GTF2IRD1: variants seen among roughly 807,000 people sequenced by gnomAD.
The protein encoded by GTF2IRD1 is GTF2I repeat domain containing 1.
In GTF2IRD1, 26 loss-of-function variants were observed where a neutral mutation model predicts 113.2. The observed-to-expected ratio is 0.23, with a 90% confidence interval of 0.17 to 0.32. The LOEUF is 0.32. GTF2IRD1 is among the 10% of genes least tolerant of loss of function. The pLI is 1.00. For synonymous variants in GTF2IRD1, 484 were observed against 529.1 expected (o/e 0.91, Z 1.17); for missense variants, 864 against 1,280.8 (o/e 0.67, Z 4.97).
At chr7:74,572,883 G>A (rs1469388829) in intron 22 of GTF2IRD1, among the ~76,000 whole-genome samples, 1 of 152,150 alleles carries the variant, frequency 6.6e-6, no homozygotes. Context: ...TGCGGGGCGG[G>A]GCTTGGAGGC....
intron 1 of GTF2IRD1, among the ~76,000 whole-genome samples, chr7:74,483,979 C>T (rs1318258871): frequency 2.0e-5 from 3 of 152,100 alleles, no homozygotes; most frequent in South Asian, 2.1e-4. Flanking sequence ...AGGAAGGAGC[C>T]GTGTAGATAC....
intron 9 of GTF2IRD1, among the ~76,000 whole-genome samples, chr7:74,532,392 AAAAAT>A (rs1272548814): frequency 2.0e-5 from 3 of 151,778 alleles, no homozygotes; most frequent in Non-Finnish European, 4.4e-5. Flanking sequence ...TATTTCTACA[AAAAAT>A]AAAATAAATA....
intron 17 of GTF2IRD1, among the ~76,000 whole-genome samples, chr7:74,547,500 A>G (rs587702345): frequency 7.5e-6 from 1 of 133,238 alleles, no homozygotes; most frequent in East Asian, 2.3e-4. Context: ...GAGTACAGTG[A>G]TACGAACTTG....
At position 74,466,952 on chromosome 7, in the gene GTF2IRD1, CT is replaced by C. The variant is rs782708976; in HGVS notation, c.-7+12791del. ...GGGGCCTCCTCCACCCTTTTTCTTT[CT>C]TTTTTTTTTTTTTTGGAGACAGGGT... On this transcript the variant is annotated intron_variant, in intron 1 of 26. Coordinates refer to ENST00000424337, the MANE Select transcript of GTF2IRD1 (RefSeq NM_005685.4). Among the ~76,000 whole-genome samples, 655 of 140,198 alleles carry C rather than the reference CT, an allele frequency of 4.7e-3. 1 individual carries two copies. The highest frequency in any genetic ancestry group is 7.1e-3 in the African/African-American group (272 of 38,522). The allele number at this position is 140,198 out of a possible 152,430, so 92.0% of individuals were successfully genotyped here.
chr7:74,481,228 C>G (rs538305977), intron 1 of GTF2IRD1, among the ~76,000 whole-genome samples: 4 of 152,188 alleles, frequency 2.6e-5, no homozygotes, highest in African/African-American at 7.2e-5. Flanking sequence ...AATCCCAGTT[C>G]GATGCATTCT....
In GTF2IRD1 at chr7:74,470,429, C is replaced by T. The variant is rs1020150733; in HGVS notation, c.-7+16253C>T. Among the ~76,000 whole-genome samples, 8 of 152,294 alleles carry T rather than the reference C, an allele frequency of 5.3e-5. No homozygotes were observed. In the East Asian group the frequency reaches 1.3e-3, roughly 26 times the overall value. On this transcript the variant is annotated intron_variant, in intron 1 of 26. Coordinates refer to ENST00000424337, the MANE Select transcript of GTF2IRD1 (RefSeq NM_005685.4). ...CATTAGCAGTCTCTCCATTCCCCAG[C>T]ACCCCCCACTCCAGCCCCTGGTAAT...
At chr7:74,541,023 C>G (rs1798606059) in intron 14 of GTF2IRD1, among the ~76,000 whole-genome samples, 1 of 151,392 alleles carries the variant, frequency 6.6e-6, no homozygotes, top group African/African-American at 2.4e-5. Flanking sequence ...CTCAGCCTCC[C>G]AAAGTGCTGG....
chr7:74,554,008 G>C (rs1285503494), intron 17 of GTF2IRD1, among the ~76,000 whole-genome samples: 1 of 152,170 alleles, frequency 6.6e-6, no homozygotes, highest in Non-Finnish European at 1.5e-5. Flanking sequence ...CCCACCGCCA[G>C]AGCGGGCACC....
intron 17 of GTF2IRD1, among the ~76,000 whole-genome samples, chr7:74,550,672 C>G (rs1799255579): frequency 1.3e-5 from 2 of 151,914 alleles, no homozygotes; most frequent in South Asian, 2.1e-4. Context: ...CCTTGGGAGG[C>G]CCAGATAGGA....
rs117805657 is a variant in GTF2IRD1, at chr7:74,470,436, C to G, written c.-7+16260C>G. ...AGTCTCTCCATTCCCCAGCACCCCC[C>G]ACTCCAGCCCCTGGTAATTGCTAAT... On this transcript the variant is annotated intron_variant, in intron 1 of 26. Transcript: ENST00000424337. 7.0e-4 allele frequency among the ~76,000 whole-genome samples: 107 copies of G among 152,286 alleles called. 1 individual carries two copies. The East Asian group carries it at 0.018, about 26-fold the overall frequency.
rs1226805893 is a variant in GTF2IRD1 at position 74,459,399 on chromosome 7, C to T, written c.-7+5223C>T. 4.6e-5 allele frequency among the ~76,000 whole-genome samples: 7 copies of T among 151,864 alleles called. 1 individual carries two copies. The highest frequency in any genetic ancestry group is 1.4e-4 in the African/African-American group (6 of 41,418). On this transcript the variant is annotated intron_variant, in intron 1 of 26. Coordinates refer to ENST00000424337, the MANE Select transcript of GTF2IRD1 (RefSeq NM_005685.4). Reference sequence around the variant, plus strand: ...CTTGAACCTAAGAGGTGAAGGTTGCCGTGAGCTGAGATCGTACCATTGCAC... The same window carrying T: ...CTTGAACCTAAGAGGTGAAGGTTGCTGTGAGCTGAGATCGTACCATTGCAC...
intron 1 of GTF2IRD1, among the ~76,000 whole-genome samples, chr7:74,471,064 C>G (rs1396027952): frequency 6.6e-6 from 1 of 152,222 alleles, no homozygotes; most frequent in Non-Finnish European, 1.5e-5. Context: ...CTCAGCCTCC[C>G]AAAGTGCTGG....
chr7:74,478,914 TA>T (rs1233663326), intron 1 of GTF2IRD1, among the ~76,000 whole-genome samples: 3,886 of 140,708 alleles, frequency 0.028, 162 homozygotes, highest in African/African-American at 0.091. Context: ...CTAGGCTAAT[TA>T]AAAAAAAAAA....
At chr7:74,588,584 G>A (rs1196703578) in intron 22 of GTF2IRD1, among the ~76,000 whole-genome samples, 1 of 152,056 alleles carries the variant, frequency 6.6e-6, no homozygotes, top group Non-Finnish European at 1.5e-5. Context: ...GGGCTGGACT[G>A]CAGTGACGTG....
chr7:74,469,139 A>G (rs950571639), intron 1 of GTF2IRD1, among the ~76,000 whole-genome samples: 1 of 150,262 alleles, frequency 6.7e-6, no homozygotes, highest in Non-Finnish European at 1.5e-5. Flanking sequence ...ACTTATGAGT[A>G]GGTATTTGGA....
At chr7:74,574,567 C>T (rs1218048599) in intron 22 of GTF2IRD1, among the ~76,000 whole-genome samples, 1 of 151,426 alleles carries the variant, frequency 6.6e-6, no homozygotes, top group Non-Finnish European at 1.5e-5. Context: ...TCAAGTGATC[C>T]TCCTGCCTCA....
chr7:74,507,834 G>C lies in GTF2IRD1; in HGVS notation c.-6-241G>C, dbSNP rs144745973. ...CAGACTGGTCCTGGTGCTGGGCTCA[G>C]CTTGGGTGTGCAGACTTAGGAGGGT... is the stretch of plus-strand genomic sequence containing the variant. On this transcript the variant is annotated intron_variant, in intron 1 of 26. Coordinates refer to ENST00000424337, the MANE Select transcript of GTF2IRD1 (RefSeq NM_005685.4). 9.0e-3 allele frequency among the ~76,000 whole-genome samples: 1,372 copies of C among 152,318 alleles called. 11 individuals are homozygous for C. The highest frequency in any genetic ancestry group is 0.012 in the Non-Finnish European group (826 of 68,016).
At chr7:74,585,302 G>A (rs1354498232) in intron 22 of GTF2IRD1, among the ~76,000 whole-genome samples, 3 of 151,648 alleles carry the variant, frequency 2.0e-5, no homozygotes, top group African/African-American at 4.8e-5. Context: ...TAGTAGAGAC[G>A]GGGTTTCACC....
intron 1 of GTF2IRD1, among the ~76,000 whole-genome samples, chr7:74,476,079 CTGG>C (rs1794388179): frequency 6.6e-6 from 1 of 152,132 alleles, no homozygotes; most frequent in African/African-American, 2.4e-5. Context: ...TCTCCAATGC[CTGG>C]TGGTGGTGAG....
Sources: gnomAD v4.1 joint callset for allele counts (sites outside exome capture counted in the v4.1 genomes callset) on GRCh38, gnomAD v4.1.1 for gene constraint, MANE v1.5 for transcripts, NCBI Gene and HGNC (gene_info 2026-07-23, HGNC 2026-07-21) for gene names.